MYH10: variants seen among roughly 807,000 people sequenced by gnomAD.
MYH10 encodes the protein myosin-10.
In MYH10, 55 loss-of-function variants were observed where a neutral mutation model predicts 257.8. The observed-to-expected ratio is 0.21, with a 90% CI of 0.17 to 0.27. The LOEUF (loss-of-function observed/expected upper bound fraction) is 0.27. MYH10 is among the 10% of genes least tolerant of loss of function. MYH10 has a pLI of 1.00. For missense variants in MYH10, 1,631 were observed against 2,500.6 expected (o/e 0.65, Z 7.42); for synonymous variants, 854 against 921.7 (o/e 0.93, Z 1.33).
rs536208777 is a variant in MYH10, at chr17:8,499,578, G to A, written c.3745-102C>T. The A allele has an allele frequency of 7.8e-5, 77 of 991,132 alleles. No homozygotes were observed. The South Asian group carries it at 1.1e-3, about 14-fold the overall frequency. The allele number at this position is 991,132 out of a possible 1,614,324, so 61.4% of individuals were successfully genotyped here. ...CAGAATTGTGCCTAACACACAGTGA[G>A]TCTGTAGTCAACATCTGTTGAATGA... is the stretch of plus-strand genomic sequence containing the variant. On this transcript the variant is annotated intron_variant, in intron 29 of 42. Transcript: ENST00000360416.
intron 41 of MYH10, among the ~76,000 whole-genome samples, chr17:8,478,136 T>C (rs150671095): frequency 2.1e-4 from 32 of 152,328 alleles, no homozygotes; most frequent in Non-Finnish European, 4.3e-4. Flanking sequence ...CAGGCCTCAC[T>C]GAACTTGCTT....
intron 17 of MYH10, among the ~76,000 whole-genome samples, chr17:8,529,422 A>G (rs528201419): frequency 9.2e-5 from 14 of 152,336 alleles, no homozygotes; most frequent in African/African-American, 3.4e-4. Flanking sequence ...GAGAAAGTCC[A>G]AAAGATCAAG....
Position 8,521,304 on chromosome 17 carries a change from A to G in MYH10, c.1958-19T>C. The G allele has an allele frequency of 6.2e-7, 1 of 1,611,712 alleles. No homozygotes were observed. Among genetic ancestry groups the G allele is most frequent in the African/African-American group, 1.3e-5 (1 of 75,008 alleles). On this transcript the variant is annotated intron_variant, in intron 17 of 42. Coordinates refer to ENST00000360416, the MANE Select transcript of MYH10 (RefSeq NM_001256012.3). ...CGGTCCACTGGGGAGAAGAAAGGAG[A>G]AAACAAATATAAGCCAAACCTCACT...
Position 8,545,507 on chromosome 17 carries a change from T to C in MYH10, c.1372A>G (p.Lys458Glu). ...HRINKALDRT[K>E]RQGASFIGIL... Reference sequence around the variant, plus strand: ...CCAATGAAAGATGCTCCCTGACGTTTGGTCCTATCCAGAGCTTTATTGATG... The same window carrying C: ...CCAATGAAAGATGCTCCCTGACGTTCGGTCCTATCCAGAGCTTTATTGATG... The change falls in exon 13 of 43, where the codon AAA (lysine) becomes GAA (glutamate). Residue 458 changes from lysine to glutamate, a missense_variant. Coordinates refer to ENST00000360416, the MANE Select transcript of MYH10 (RefSeq NM_001256012.3). This position sits in a 1 kb window ranked among gnomAD's most constrained non-coding sequence, Gnocchi z 4.7. The C allele has an allele frequency of 6.2e-7, 1 of 1,614,154 alleles. No homozygotes were observed. Among genetic ancestry groups the C allele is most frequent in the Non-Finnish European group, 8.5e-7 (1 of 1,180,028 alleles).
At position 8,553,598 on chromosome 17, in the gene MYH10, G is replaced by A. The variant is rs76809692; in HGVS notation, c.820+357C>T. 1.9e-3 allele frequency among the ~76,000 whole-genome samples: 290 copies of A among 152,136 alleles called. 5 individuals carry two copies. In the East Asian group the frequency reaches 0.04, roughly 21 times the overall value. ...TTACTTTAACTCTGTAATCTTATAA[G>A]GATGTTTTCAATGATTACATGCTCA... On this transcript the variant is annotated intron_variant, in intron 8 of 42. Transcript: ENST00000360416.
intron 2 of MYH10, among the ~76,000 whole-genome samples, chr17:8,608,369 G>A (rs985179336): frequency 3.3e-5 from 5 of 152,164 alleles, no homozygotes; most frequent in Admixed American, 6.5e-5. Flanking sequence ...GAGAAGGCCG[G>A]GACTTCACAG....
At chr17:8,551,004 G>C (rs976134131) in intron 9 of MYH10, among the ~76,000 whole-genome samples, 44 of 151,204 alleles carry the variant, frequency 2.9e-4, no homozygotes, top group South Asian at 8.4e-4. Flanking sequence ...CAAACACTGC[G>C]GAAGGCCGCA....
At chr17:8,597,000 G>C in intron 3 of MYH10, among the ~76,000 whole-genome samples, 1 of 152,062 alleles carries the variant, frequency 6.6e-6, no homozygotes, top group East Asian at 1.9e-4. Context: ...GGCTTTGGGA[G>C]GTGCGTCGTC....
chr17:8,511,405 A>G (rs1597698305), intron 24 of MYH10, among the ~76,000 whole-genome samples: 1 of 152,154 alleles, frequency 6.6e-6, no homozygotes, highest in East Asian at 1.9e-4. Context: ...CTGTAATCCC[A>G]GCTACTGGGG....
At chr17:8,509,355 GA>G (rs1214051158) in intron 25 of MYH10, among the ~76,000 whole-genome samples, 1 of 152,100 alleles carries the variant, frequency 6.6e-6, no homozygotes, top group East Asian at 1.9e-4. Context: ...ATGTTTGTAC[GA>G]GGATAAAATA....
chr17:8,557,606 G>A (rs570619896), intron 7 of MYH10, among the ~76,000 whole-genome samples: 18 of 152,270 alleles, frequency 1.2e-4, no homozygotes, highest in Admixed American at 7.2e-4. Context: ...GCACTATGTC[G>A]TCATCACAAC....
At chr17:8,484,539 A>G (rs1442729170) in intron 36 of MYH10, among the ~76,000 whole-genome samples, 1 of 152,236 alleles carries the variant, frequency 6.6e-6, no homozygotes, top group African/African-American at 2.4e-5. Context: ...AGAAAACTAC[A>G]GATCAAAATG....
chr17:8,495,783 C>G (rs545898947), intron 30 of MYH10, among the ~76,000 whole-genome samples: 1 of 151,788 alleles, frequency 6.6e-6, no homozygotes, highest in African/African-American at 2.4e-5. Flanking sequence ...AATCTGGGCT[C>G]ACTGCAACCT....
Position 8,474,877 on chromosome 17 carries a change from C to G in MYH10, c.*927G>C, listed in dbSNP as rs1480389191. ...CTTGGAACAAGCCTCGGACACAAAA[C>G]CAATATTCCCATTTTGGGCTCAAAG... On this transcript the variant is annotated 3_prime_UTR_variant, in exon 43 of 43. Coordinates refer to ENST00000360416, the MANE Select transcript of MYH10 (RefSeq NM_001256012.3). The G allele has an allele frequency of 6.6e-6, 1 of 152,662 alleles. No individual in the cohort carries two copies. The allele number at this position is 152,662 out of a possible 1,614,324, so 9.5% of individuals were successfully genotyped here.
chr17:8,612,711 C>T (rs1374012097), intron 2 of MYH10, among the ~76,000 whole-genome samples: 3 of 151,952 alleles, frequency 2.0e-5, no homozygotes, highest in East Asian at 1.9e-4. Context: ...ATTAGCCAGG[C>T]GTGGTGGCGC....
At position 8,545,634 on chromosome 17, in the gene MYH10, A is replaced by T. The variant is rs377000096; in HGVS notation, c.1279-34T>A. 9.3e-5 allele frequency: 148 copies of T among 1,597,414 alleles called. 1 individual carries two copies. In the African/African-American group the frequency reaches 1.5e-3, roughly 17 times the overall value. The stretch of plus-strand genomic sequence containing the variant: ...AAATCACAACAACCTTTTATTCTGG[A>T]AACAATCTCAACAAAGCATAAATAG... On this transcript the variant is annotated intron_variant, in intron 12 of 42. Transcript: ENST00000360416. The surrounding 1 kb of genome is among the most constrained non-coding windows in gnomAD (Gnocchi z 4.7).
At position 8,617,058 on chromosome 17, in the gene MYH10, TG is replaced by T. The variant is rs1380662985; in HGVS notation, c.345+5843del. ...GCACTGGGTTAACTGGCTAGCCATA[TG>T]GAAAAAAAAAAAAGAATCTTGCCCC... On this transcript the variant is annotated intron_variant, in intron 2 of 42. Coordinates refer to ENST00000360416, the MANE Select transcript of MYH10 (RefSeq NM_001256012.3). Among the ~76,000 whole-genome samples, 4 of 150,910 alleles carry T rather than the reference TG, an allele frequency of 2.7e-5. No individual in the cohort carries two copies. In the East Asian group the frequency reaches 7.7e-4, roughly 29 times the overall value.
At chr17:8,597,477 T>C (rs1216798440) in intron 3 of MYH10, among the ~76,000 whole-genome samples, 1 of 152,014 alleles carries the variant, frequency 6.6e-6, no homozygotes, top group African/African-American at 2.4e-5. Flanking sequence ...AGTTAGGGTA[T>C]CTCCAGTTTT....
chr17:8,629,252 T>A (rs1051796759), intron 1 of MYH10, among the ~76,000 whole-genome samples: 2 of 152,118 alleles, frequency 1.3e-5, no homozygotes, highest in African/African-American at 4.8e-5. Context: ...AAAGCCAAAG[T>A]ATTATGTTTG....
Sources: allele counts gnomAD v4.1 joint callset (sites outside exome capture counted in the v4.1 genomes callset), GRCh38; gene constraint gnomAD v4.1.1; non-coding constraint Gnocchi (gnomAD v3.1); transcripts MANE v1.5; gene names NCBI Gene and HGNC (gene_info 2026-07-23, HGNC 2026-07-21).